Variants in GRK6 observed in about 807,000 individuals in gnomAD.
The protein encoded by GRK6 is G protein-coupled receptor kinase 6.
In GRK6, 37 loss-of-function variants were observed where a neutral mutation model predicts 80.8. The observed-to-expected ratio is 0.46, with a 90% CI of 0.35 to 0.60. The LOEUF is 0.60. Ranked by LOEUF, GRK6 falls within the 20% of genes least tolerant of loss-of-function variation. The probability of loss-of-function intolerance (pLI) is 0.00; values close to 1 mark genes in which losing one functional copy is unlikely to be tolerated. For missense variants in GRK6, 560 were observed against 784.6 expected (o/e 0.71, Z 3.42); for synonymous variants, 295 against 320.9 (o/e 0.92, Z 0.86).
chr5:177,436,077 G>T lies in GRK6; in HGVS notation c.1062G>T (p.Pro354=). 1 of 1,612,188 alleles carries T rather than the reference G, an allele frequency of 6.2e-7. No individual in the cohort carries two copies. Among genetic ancestry groups the T allele is most frequent in the Non-Finnish European group, 8.5e-7 (1 of 1,178,536 alleles). ...ACTCCCATGCCGCCCGCCCAGCTCC[G>T]GAGGTGGTGAAGAATGAACGGTACA... The part of the protein sequence containing the change: ...GRVGTVGYMA[P]EVVKNERYTF... The change falls in exon 12 of 16, where the codon CCG becomes CCT. Residue 354 remains proline, a synonymous_variant. Coordinates refer to ENST00000355472, the MANE Select transcript of GRK6 (RefSeq NM_001004106.3).
chr5:177,440,666 G>T, intron 13 of GRK6, 34 bp from the exon 14 acceptor site: 2 of 1,610,866 alleles, frequency 1.2e-6, no homozygotes, highest in Non-Finnish European at 1.7e-6. Flanking sequence ...GCGTGTGTGT[G>T]TTTCCTATCT....
At chr5:177,441,336 GAGAA>G (rs1017470173) in intron 15 of GRK6, 2 of 1,527,002 alleles carry the variant, frequency 1.3e-6, no homozygotes, top group African/African-American at 1.4e-5. Flanking sequence ...CAAGATGTGG[GAGAA>G]AGAAGTCTGG....
chr5:177,442,053 A>ATG lies in GRK6; in HGVS notation c.*265_*266dup. On this transcript the variant is annotated 3_prime_UTR_variant, in exon 16 of 16. Coordinates refer to ENST00000355472, the MANE Select transcript of GRK6 (RefSeq NM_001004106.3). ...TTTCTGTATTTATGTATTTGTACGA[A>ATG]TGTATATAGCGACCAGAGCATTCTT... is the stretch of plus-strand genomic sequence containing the variant. 2.4e-5 allele frequency: 12 copies of ATG among 509,114 alleles called. No individual in the cohort carries two copies. The highest frequency in any genetic ancestry group is 4.1e-5 in the Non-Finnish European group (12 of 289,268). The allele number at this position is 509,114 out of a possible 1,614,324, so 31.5% of individuals were successfully genotyped here. A position where few individuals can be genotyped will look rare whatever the true frequency, so the allele number is the denominator to read the frequency against.
chr5:177,436,695 TG>T, intron 13 of GRK6, 165 bp downstream of exon 13: 2 of 713,488 alleles, frequency 2.8e-6, no homozygotes, highest in South Asian at 4.0e-5. Flanking sequence ...AGCCCCAGGA[TG>T]GGTCTGGCTT....
Position 177,442,818 on chromosome 5 carries a change from C to T in GRK6, c.*1028C>T, listed in dbSNP as rs1764581014. 1.3e-5 allele frequency: 2 copies of T among 152,390 alleles called. No individual in the cohort carries two copies. Among genetic ancestry groups the T allele is most frequent in the Admixed American group, 1.3e-4 (2 of 15,286 alleles). The allele number at this position is 152,390 out of a possible 1,614,324, so 9.4% of individuals were successfully genotyped here. A position where few individuals can be genotyped will look rare whatever the true frequency, so the allele number is the denominator to read the frequency against. On this transcript the variant is annotated 3_prime_UTR_variant, in exon 16 of 16. Coordinates refer to ENST00000355472, the MANE Select transcript of GRK6 (RefSeq NM_001004106.3). Reference sequence around the variant, plus strand: ...GGCCCTGTTTTTTCCATATTTAAAGCCAATTTTTATTACTCGTTTTGTCCA... The same window carrying T: ...GGCCCTGTTTTTTCCATATTTAAAGTCAATTTTTATTACTCGTTTTGTCCA...
At position 177,440,997 on chromosome 5, in the gene GRK6, G is replaced by A; in HGVS notation, c.1621G>A (p.Gly541Ser). 2 of 1,614,002 alleles carry A rather than the reference G, an allele frequency of 1.2e-6. No homozygotes were observed. Among genetic ancestry groups the A allele is most frequent in the Non-Finnish European group, 1.7e-6 (2 of 1,180,020 alleles). ...AGTTCCCCCAGACCTGGACTGGAAG[G>A]GCCAGCCACCTGCACCTCCTAAAAA... ...GSVPPDLDWK[G>S]QPPAPPKKGL... The change falls in exon 15 of 16, where the codon GGC (glycine) becomes AGC (serine). Residue 541 changes from glycine (G) to serine (S), a missense_variant. Gly to Ser is a moderately conservative substitution (Grantham distance 56, BLOSUM62 0). Around this residue, in one of 3 missense-constraint regions of GRK6, gnomAD observed 294 missense variants for 397.4 expected, o/e 0.74. Transcript: ENST00000355472.
At chr5:177,430,840 A>T (rs1312152264) in intron 1 of GRK6, 32 bp from the exon 2 acceptor site, 70 of 1,588,306 alleles carry the variant, frequency 4.4e-5, no homozygotes, top group Non-Finnish European at 6.0e-5. Context: ...AGGCAGTGGG[A>T]CTCGAGACCC....
At chr5:177,435,509 C>A (rs938390987) in intron 11 of GRK6, among the ~76,000 whole-genome samples, 3 of 152,240 alleles carry the variant, frequency 2.0e-5, no homozygotes, top group African/African-American at 7.2e-5. Flanking sequence ...ACGCAGGAGG[C>A]AGAGTCCTGG....
chr5:177,433,165 G>A lies in GRK6; in HGVS notation c.459G>A (p.Leu153=), dbSNP rs1295193485. Residue 153 remains leucine, a synonymous_variant, in exon 6 of 16, where the codon CTG becomes CTA. Coordinates refer to ENST00000355472, the MANE Select transcript of GRK6 (RefSeq NM_001004106.3). ...TCAACAGGCTGACCCACGAGTACCT[G>A]AGCGTGGCCCCTTTTGCCGACTACC... ...QELTRLTHEY[L]SVAPFADYLD... is the part of the protein sequence containing the mutation. 4.3e-6 allele frequency: 7 copies of A among 1,613,924 alleles called. No individual in the cohort carries two copies. Among genetic ancestry groups the A allele is most frequent in the Non-Finnish European group, 5.9e-6 (7 of 1,180,016 alleles).
intron 13 of GRK6, 41 bp downstream of exon 13, chr5:177,436,571 G>T: frequency 6.6e-7 from 1 of 1,519,482 alleles, no homozygotes; most frequent in Non-Finnish European, 8.8e-7. Flanking sequence ...GGCCCAGCCA[G>T]GGCTGGGGCT....
chr5:177,433,473 A>ACC (rs1764002236), intron 7 of GRK6, 63 bp downstream of exon 7: 3 of 1,611,102 alleles, frequency 1.9e-6, no homozygotes, highest in Non-Finnish European at 2.5e-6. Context: ...GACCTGGACC[A>ACC]CCCCCTGGAT....
chr5:177,426,223 C>A (rs1763654271), upstream of GRK6, among the ~76,000 whole-genome samples: 1 of 152,232 alleles, frequency 6.6e-6, no homozygotes, highest in African/African-American at 2.4e-5. Context: ...CGGAGCGCGT[C>A]CCCGACAAAA....
At chr5:177,434,873 C>T (rs1249477337) in intron 9 of GRK6, 29 bp from the exon 10 acceptor site, 1 of 1,606,578 alleles carries the variant, frequency 6.2e-7, no homozygotes, top group South Asian at 1.1e-5. Context: ...AACTGAGCAG[C>T]ATCTGACCCT....
rs1412565346 is a variant in GRK6 at position 177,442,066 on chromosome 5, C to CCCT, written c.*277_*278insCTC. On this transcript the variant is annotated 3_prime_UTR_variant, in exon 16 of 16. Transcript: ENST00000355472. ...GTATTTGTACGAATGTATATAGCGA[C>CCCT]CAGAGCATTCTTAATTCCCGCCGCA... is the stretch of plus-strand genomic sequence containing the variant. 5 of 451,194 alleles carry CCCT rather than the reference C, an allele frequency of 1.1e-5. No individual in the cohort carries two copies. 27.9% of individuals were successfully genotyped at this position (451,194 alleles called of 1,614,324 possible).
chr5:177,431,738 G>A (rs1763896769), intron 2 of GRK6: 1 of 552,204 alleles, frequency 1.8e-6, no homozygotes, highest in Admixed American at 3.3e-5. Context: ...ATGCAGGGAG[G>A]TGGATGGAGG....
At chr5:177,441,407 A>T (rs1207136142) in intron 15 of GRK6, 6 of 889,284 alleles carry the variant, frequency 6.7e-6, no homozygotes, top group Non-Finnish European at 8.5e-6. Flanking sequence ...GGCCCCTTCG[A>T]GCTGCCAGCT....
intron 13 of GRK6, among the ~76,000 whole-genome samples, chr5:177,440,287 C>T (rs1324448610): frequency 1.3e-5 from 2 of 152,184 alleles, no homozygotes; most frequent in Non-Finnish European, 2.9e-5. Flanking sequence ...GGAGAGAAGA[C>T]GGCAAGTCCC....
upstream of GRK6, among the ~76,000 whole-genome samples, chr5:177,425,979 G>A (rs987054747): frequency 4.1e-4 from 63 of 152,372 alleles, no homozygotes; most frequent in African/African-American, 1.3e-3. Context: ...GGCAGAGGCC[G>A]AGGGAAGGCG....
chr5:177,435,405 G>A (rs775503685), intron 11 of GRK6, among the ~76,000 whole-genome samples: 8 of 152,240 alleles, frequency 5.3e-5, no homozygotes, highest in African/African-American at 1.2e-4. Flanking sequence ...ACCTGTTTCC[G>A]TGGCCCCAGT....
Sources: gnomAD v4.1 joint callset for allele counts (sites outside exome capture counted in the v4.1 genomes callset) on GRCh38, gnomAD v4.1.1 for gene constraint, gnomAD v4.1.1 regional missense constraint, MANE v1.5 for transcripts, NCBI Gene and HGNC (gene_info 2026-07-23, HGNC 2026-07-21) for gene names.